ARHGEF4: variants seen among roughly 807,000 people sequenced by gnomAD.
ARHGEF4 encodes the protein Rho guanine nucleotide exchange factor 4.
ARHGEF4 carries 119 observed loss-of-function variants against 162.0 expected under a neutral mutation model. That is an observed-to-expected ratio of 0.73 (90% CI 0.63 to 0.86). ARHGEF4 has a LOEUF of 0.86. Ranked by LOEUF, ARHGEF4 falls within the 40% of genes least tolerant of loss-of-function variation. The pLI is 0.00. For missense variants in ARHGEF4, 2,488 were observed against 2,456.0 expected, an observed-to-expected ratio of 1.01 and a Z score of -0.28; for synonymous variants, 1,014 against 979.9, an observed-to-expected ratio of 1.03 and a Z score of -0.65.
chr2:130,847,645 G>A (rs533754276), intron 1 of ARHGEF4, among the ~76,000 whole-genome samples: 11 of 152,326 alleles, frequency 7.2e-5, no homozygotes, highest in Middle Eastern at 6.8e-3. Context: ...CCGAGGGCCT[G>A]ACCCCCTGAA....
intron 3 of ARHGEF4, among the ~76,000 whole-genome samples, chr2:130,945,365 C>T (rs1683545082): frequency 6.6e-6 from 1 of 152,092 alleles, no homozygotes; most frequent in South Asian, 2.1e-4. Context: ...GGATTCTCTC[C>T]CATGCCCTTG....
At chr2:130,999,747 G>C (rs539627929) in intron 4 of ARHGEF4, among the ~76,000 whole-genome samples, 1 of 152,268 alleles carries the variant, frequency 6.6e-6, no homozygotes, top group African/African-American at 2.4e-5. Flanking sequence ...TTGTCGCCCA[G>C]GCTGGAGTGC....
In ARHGEF4 at chr2:130,851,197, G is replaced by A. The variant is rs1681386261; in HGVS notation, c.39+14205G>A. Among the ~76,000 whole-genome samples, 3 of 152,262 alleles carry A rather than the reference G, an allele frequency of 2.0e-5. No individual in the cohort carries two copies. The South Asian group carries it at 6.2e-4, about 31-fold the overall frequency. Reference sequence around the variant, plus strand: ...TTGGGATAGGACCTGCCAGAGGCCAGCATGTGCCTTTCCTGCCCTGGCAGC... The same window carrying A: ...TTGGGATAGGACCTGCCAGAGGCCAACATGTGCCTTTCCTGCCCTGGCAGC... On this transcript the variant is annotated intron_variant, in intron 1 of 13. Transcript: ENST00000409359.
At chr2:130,879,722 T>C (rs966927049) in intron 1 of ARHGEF4, among the ~76,000 whole-genome samples, 3 of 152,226 alleles carry the variant, frequency 2.0e-5, no homozygotes, top group African/African-American at 7.2e-5. Context: ...ACTTGCGTAA[T>C]GGCCTCCAAG....
intron 4 of ARHGEF4, among the ~76,000 whole-genome samples, chr2:130,999,645 T>G (rs1377399131): frequency 2.0e-5 from 3 of 152,244 alleles, no homozygotes; most frequent in African/African-American, 7.2e-5. Flanking sequence ...AACCCATTTT[T>G]CCTAAATCTT....
chr2:130,945,804 C>T lies in ARHGEF4; in HGVS notation c.3859-705C>T, dbSNP rs151018977. Among the ~76,000 whole-genome samples, 331 of 152,270 alleles carry T rather than the reference C, an allele frequency of 2.2e-3. 4 individuals are homozygous for T. The highest frequency in any genetic ancestry group is 7.8e-3 in the African/African-American group (323 of 41,552). ...CAAATGGATGGGGTGAAGTGTGCAA[C>T]TCCGTCTTTATCATTGTTTGTATAT... On this transcript the variant is annotated intron_variant, in intron 3 of 13. Coordinates refer to ENST00000409359, the MANE Select transcript of ARHGEF4 (RefSeq NM_001367493.1).
chr2:130,925,523 ATT>A (rs939171864), intron 2 of ARHGEF4, among the ~76,000 whole-genome samples: 1 of 151,776 alleles, frequency 6.6e-6, no homozygotes, highest in Non-Finnish European at 1.5e-5. Flanking sequence ...CAGGCAATAA[ATT>A]CTCTCATTCT....
At chr2:130,907,627 G>T (rs1172461770) in intron 1 of ARHGEF4, among the ~76,000 whole-genome samples, 1 of 151,992 alleles carries the variant, frequency 6.6e-6, no homozygotes, top group Admixed American at 6.6e-5. Context: ...TCTGATTGTG[G>T]AGATTATGAC....
rs542761395 is a variant in ARHGEF4, at chr2:130,943,164, T to C, written c.3859-3345T>C. 1.4e-4 allele frequency among the ~76,000 whole-genome samples: 22 copies of C among 152,342 alleles called. 1 individual carries two copies. In the South Asian group the frequency reaches 4.6e-3, roughly 32 times the overall value. On this transcript the variant is annotated intron_variant, in intron 3 of 13. Transcript: ENST00000409359. ...TTAGATGCATGGACATCTAGGATTA[T>C]ATGTCTTTTTGGTGAATTCACTCTT...
chr2:130,842,196 C>T (rs1364256314), intron 1 of ARHGEF4, among the ~76,000 whole-genome samples: 5 of 152,268 alleles, frequency 3.3e-5, no homozygotes, highest in Admixed American at 2.6e-4. Flanking sequence ...GGCATAACAG[C>T]CTGAAGCAGC....
intron 1 of ARHGEF4, among the ~76,000 whole-genome samples, chr2:130,886,405 C>A (rs1235236718): frequency 6.6e-6 from 1 of 151,856 alleles, no homozygotes. Context: ...TTTGGCCGGG[C>A]ATGGTGGCTC....
chr2:131,041,844 A>T lies in ARHGEF4; in HGVS notation c.4925A>T (p.His1642Leu). ...RDFKDVEAAL[H>L]AMKNVAQLIN... ...TTCAAGGATGTTGAAGCCGCCTTGC[A>T]TGCCATGAAGAACGTGGCCCAGCTC... Residue 1642 changes from histidine to leucine, a missense_variant, in exon 10 of 14, where the codon CAT (histidine) becomes CTT (leucine). This residue lies in a region of ARHGEF4 where 415 missense variants were observed against 512.4 expected (regional missense o/e 0.81). Transcript: ENST00000409359. 1 of 1,613,636 alleles carries T rather than the reference A, an allele frequency of 6.2e-7. No homozygotes were observed. The highest frequency in any genetic ancestry group is 1.3e-5 in the African/African-American group (1 of 75,072).
chr2:130,947,303 A>G, intron 4 of ARHGEF4: 1 of 152,374 alleles, frequency 6.6e-6, no homozygotes, highest in Non-Finnish European at 1.5e-5. Flanking sequence ...ATGAGGCAGG[A>G]GAATCACTTG....
At chr2:130,938,453 G>A (rs953506364) in intron 3 of ARHGEF4, among the ~76,000 whole-genome samples, 1 of 152,114 alleles carries the variant, frequency 6.6e-6, no homozygotes, top group African/African-American at 2.4e-5. Flanking sequence ...GTGCATATTT[G>A]CCATTGGTAC....
intron 4 of ARHGEF4, among the ~76,000 whole-genome samples, chr2:131,007,827 T>G (rs1242933070): frequency 7.1e-6 from 1 of 141,512 alleles, no homozygotes; most frequent in Non-Finnish European, 1.5e-5. Context: ...TTTTTTTTTT[T>G]TGGAGACAGA....
chr2:130,995,460 C>T (rs567898111), intron 4 of ARHGEF4, among the ~76,000 whole-genome samples: 28 of 152,258 alleles, frequency 1.8e-4, no homozygotes, highest in African/African-American at 6.3e-4. Context: ...TTGTGTTTAG[C>T]GACGCCATCA....
chr2:131,005,267 CA>C (rs1416586496), intron 4 of ARHGEF4, among the ~76,000 whole-genome samples: 1 of 152,186 alleles, frequency 6.6e-6, no homozygotes, highest in African/African-American at 2.4e-5. Context: ...GACACAGCAG[CA>C]GCCTGAAGAG....
rs1430328181 is a variant in ARHGEF4, at chr2:130,913,989, C to T, written c.43C>T (p.Pro15Ser). ...VHFLRSFFKT[P>S]EPGAHLPGEG... ...TCCTCTCTTCTTGCCCTCCCAGACT[C>T]CAGAGCCAGGTGCACACCTGCCAGG... Residue 15 changes from proline (P) to serine (S), a missense_variant, in exon 2 of 14, where the codon CCA (proline) becomes TCA (serine). Physicochemically the swap from Pro to Ser is moderately conservative, Grantham distance 74. This residue lies in a region of ARHGEF4 where 171 missense variants were observed against 169.4 expected (regional missense o/e 1.01). Transcript: ENST00000409359. 1.3e-6 allele frequency: 2 copies of T among 1,536,098 alleles called. No homozygotes were observed. The highest frequency in any genetic ancestry group is 1.7e-6 in the Non-Finnish European group (2 of 1,146,908).
At chr2:130,937,039 C>T (rs1435888171) in intron 3 of ARHGEF4, among the ~76,000 whole-genome samples, 1 of 151,682 alleles carries the variant, frequency 6.6e-6, no homozygotes, top group East Asian at 1.9e-4. Context: ...TCCCAAGTAG[C>T]TGGGATTACA....
Sources: gnomAD v4.1 joint callset for allele counts (sites outside exome capture counted in the v4.1 genomes callset) on GRCh38, gnomAD v4.1.1 for gene constraint, gnomAD v4.1.1 regional missense constraint, MANE v1.5 for transcripts, NCBI Gene and HGNC (gene_info 2026-07-23, HGNC 2026-07-21) for gene names.